Variants in VTA1 observed in about 807,000 individuals in gnomAD.
VTA1 encodes the protein vesicle trafficking 1.
In VTA1, 24 loss-of-function variants were observed where a neutral mutation model predicts 36.9. The observed-to-expected ratio is 0.65, with a 90% CI of 0.47 to 0.91. The LOEUF (loss-of-function observed/expected upper bound fraction) is 0.91. Among genes scored for constraint, VTA1 ranks in the 40% least tolerant of loss-of-function variants. VTA1 has a pLI of 0.00. For synonymous variants in VTA1, 142 were observed against 130.2 expected (o/e 1.09, Z -0.62); for missense variants, 393 against 377.2 (o/e 1.04, Z -0.35).
chr6:142,176,783 C>T (rs1012685881), intron 4 of VTA1, among the ~76,000 whole-genome samples: 2 of 152,126 alleles, frequency 1.3e-5, no homozygotes, highest in Admixed American at 6.5e-5. Flanking sequence ...GTCACAAACT[C>T]GTAAGCAGTT....
chr6:142,214,539 C>T (rs1382846544), intron 7 of VTA1, among the ~76,000 whole-genome samples: 1 of 152,172 alleles, frequency 6.6e-6, no homozygotes, highest in Non-Finnish European at 1.5e-5. Flanking sequence ...TCACCTCCTA[C>T]CAGGCCTCTC....
At chr6:142,147,953 A>G (rs1268369479) in intron 1 of VTA1, among the ~76,000 whole-genome samples, 6 of 152,144 alleles carry the variant, frequency 3.9e-5, no homozygotes, top group Admixed American at 3.9e-4. Flanking sequence ...CAGAATTTTT[A>G]GTTTTGACTT....
At chr6:142,171,180 C>T (rs907382530) in intron 4 of VTA1, among the ~76,000 whole-genome samples, 2 of 151,980 alleles carry the variant, frequency 1.3e-5, no homozygotes, top group Non-Finnish European at 2.9e-5. Context: ...CTGCAACCTC[C>T]GCCTCCCAGG....
chr6:142,204,361 A>G (rs1163446298), intron 7 of VTA1, among the ~76,000 whole-genome samples: 2 of 152,292 alleles, frequency 1.3e-5, no homozygotes, highest in African/African-American at 2.4e-5. Context: ...ATGGAAGCCT[A>G]TGCTAGATTA....
In VTA1 at chr6:142,220,648, C is replaced by G; in HGVS notation, c.*2005C>G. 1 of 152,096 alleles carries G rather than the reference C, an allele frequency of 6.6e-6. No individual in the cohort carries two copies. The highest frequency in any genetic ancestry group is 1.5e-5 in the Non-Finnish European group (1 of 68,028). 9.4% of individuals were successfully genotyped at this position (152,096 alleles called of 1,614,324 possible). A position where few individuals can be genotyped will look rare whatever the true frequency, so the allele number is the denominator to read the frequency against. ...CCTAATATCAGGAAATCCCAGTTGT[C>G]TATGTGGCCCAGTGCTTAAAAACGC... On this transcript the variant is annotated 3_prime_UTR_variant, in exon 8 of 8. Coordinates refer to ENST00000367630, the MANE Select transcript of VTA1 (RefSeq NM_016485.5).
intron 7 of VTA1, among the ~76,000 whole-genome samples, chr6:142,208,171 CAATTTT>C (rs373407971): frequency 4.6e-4 from 68 of 148,198 alleles, no homozygotes; most frequent in African/African-American, 1.7e-3. Context: ...TTCAGAATAA[CAATTTT>C]AAGAAAACTC....
At chr6:142,199,654 ATTAGTGTCT>A (rs900094763) in intron 6 of VTA1, among the ~76,000 whole-genome samples, 36 of 152,130 alleles carry the variant, frequency 2.4e-4, no homozygotes, top group Admixed American at 7.2e-4. Flanking sequence ...ATCAAGTATG[ATTAGTGTCT>A]TTCCTCCTAT....
chr6:142,177,138 T>C (rs1232945932), intron 4 of VTA1, among the ~76,000 whole-genome samples: 2 of 152,176 alleles, frequency 1.3e-5, no homozygotes, highest in Non-Finnish European at 2.9e-5. Context: ...TCATAGTAGA[T>C]AAATATGAGA....
At chr6:142,161,103 A>G (rs1774800830) in intron 1 of VTA1, among the ~76,000 whole-genome samples, 1 of 129,080 alleles carries the variant, frequency 7.7e-6, no homozygotes. Context: ...TTTTTGGGTC[A>G]AATAGTGTGC....
chr6:142,171,513 G>A (rs1419396713), intron 4 of VTA1, among the ~76,000 whole-genome samples: 1 of 152,094 alleles, frequency 6.6e-6, no homozygotes, highest in African/African-American at 2.4e-5. Flanking sequence ...CATACTTCCT[G>A]TTCATTCTAT....
intron 7 of VTA1, among the ~76,000 whole-genome samples, chr6:142,212,521 G>A (rs1775923824): frequency 6.6e-6 from 1 of 152,060 alleles, no homozygotes; most frequent in Non-Finnish European, 1.5e-5. Flanking sequence ...GGAGAGGGAG[G>A]GATGAATGAG....
rs568621304 is a variant in VTA1, at chr6:142,147,327, T to G, written c.40T>G (p.Phe14Val). The G allele has an allele frequency of 6.2e-7, 1 of 1,614,210 alleles. No homozygotes were observed. Among genetic ancestry groups the G allele is most frequent in the African/African-American group, 1.3e-5 (1 of 75,064 alleles). ...ACCGCTGCCCCCGCTCCCCGCACAG[T>G]TCAAGAGCATACAGCATCATCTGAG... ...LAPLPPLPAQ[F>V]KSIQHHLRTA... The change falls in exon 1 of 8, where the codon TTC (phenylalanine) becomes GTC (valine). Residue 14 changes from phenylalanine (F) to valine (V), a missense_variant. By Grantham distance (50) the Phe-to-Val change is conservative (BLOSUM62 -1). Transcript: ENST00000367630.
At position 142,150,246 on chromosome 6, in the gene VTA1, A is replaced by G. The variant is rs113172486; in HGVS notation, c.112+2847A>G. On this transcript the variant is annotated intron_variant, in intron 1 of 7. Transcript: ENST00000367630. ...GGGCCTGATTCTGCTTTTCAACAGAACACTGCTCTTGGTGACTTCTTTCCT... is the reference window on the plus strand; with the variant it reads ...GGGCCTGATTCTGCTTTTCAACAGAGCACTGCTCTTGGTGACTTCTTTCCT... Among the ~76,000 whole-genome samples the G allele has an allele frequency of 8.9e-3, 1,359 of 152,250 alleles. 19 individuals are homozygous for G. Among genetic ancestry groups the G allele is most frequent in the South Asian group, 0.038 (182 of 4,820 alleles).
chr6:142,198,377 G>T, intron 5 of VTA1, 62 bp from the exon 6 acceptor site: 4 of 1,485,256 alleles, frequency 2.7e-6, no homozygotes, highest in Non-Finnish European at 3.6e-6. Context: ...AATGAAATAA[G>T]AATACCTAGC....
intron 7 of VTA1, among the ~76,000 whole-genome samples, chr6:142,211,849 A>G (rs953333613): frequency 1.3e-5 from 2 of 152,346 alleles, no homozygotes; most frequent in South Asian, 4.1e-4. Context: ...CTATTTAAAA[A>G]TTAGCAAAAG....
chr6:142,153,700 ATTG>A (rs1778609645), intron 1 of VTA1, among the ~76,000 whole-genome samples: 1 of 152,090 alleles, frequency 6.6e-6, no homozygotes, highest in African/African-American at 2.4e-5. Flanking sequence ...TAATAGGCTT[ATTG>A]TTTATGTGTT....
At chr6:142,185,696 C>T (rs899496368) in intron 4 of VTA1, among the ~76,000 whole-genome samples, 32 of 152,304 alleles carry the variant, frequency 2.1e-4, no homozygotes, top group African/African-American at 7.5e-4. Flanking sequence ...CAGGATATTG[C>T]TGTTTCTGTA....
intron 1 of VTA1, among the ~76,000 whole-genome samples, chr6:142,159,924 A>G (rs1481310471): frequency 6.6e-6 from 1 of 151,894 alleles, no homozygotes; most frequent in Non-Finnish European, 1.5e-5. Flanking sequence ...TAGTATGTTA[A>G]TGTCACTATC....
At chr6:142,175,723 AAATGT>A (rs2114651056) in intron 4 of VTA1, among the ~76,000 whole-genome samples, 1 of 152,046 alleles carries the variant, frequency 6.6e-6, no homozygotes, top group South Asian at 2.1e-4. Context: ...AACTTTTCTA[AAATGT>A]AATAGATCTC....
Sources: gnomAD v4.1 joint callset for allele counts (sites outside exome capture counted in the v4.1 genomes callset) on GRCh38, gnomAD v4.1.1 for gene constraint, MANE v1.5 for transcripts, NCBI Gene and HGNC (gene_info 2026-07-23, HGNC 2026-07-21) for gene names.